The following DMD variants were observed in gnomAD, a reference collection of about 807,000 sequenced individuals.
DMD encodes the protein mutant dystrophin.
In DMD, 63 loss-of-function variants were observed where a neutral mutation model predicts 330.1. That is an observed-to-expected ratio of 0.19 (90% CI 0.16 to 0.24). DMD has a LOEUF of 0.24. Among genes scored for constraint, DMD ranks in the 10% least tolerant of loss-of-function variants. The probability of loss-of-function intolerance (pLI) is 1.00; values close to 1 mark genes in which losing one functional copy is unlikely to be tolerated. For missense variants in DMD, 3,344 were observed against 2,684.1 expected, an observed-to-expected ratio of 1.25 and a Z score of -5.43; for synonymous variants, 1,223 against 959.8, an observed-to-expected ratio of 1.27 and a Z score of -5.07.
intron 7 of DMD, among the ~76,000 whole-genome samples, chrX:32,807,656 C>T (rs1044787226): frequency 9.0e-6 from 1 of 111,087 alleles, no homozygotes; most frequent in African/African-American, 3.3e-5. Context: ...TTTCTGATTA[C>T]AGGCTCGTCA....
rs1233266849 is a variant in DMD at position 31,137,675 on chromosome X, C to T, written c.10922-3481G>A. 7.2e-5 allele frequency among the ~76,000 whole-genome samples: 8 copies of T among 110,365 alleles called. No homozygotes were observed. In the East Asian group the frequency reaches 2.3e-3, roughly 32 times the overall value. On this transcript the variant is annotated intron_variant, in intron 76 of 78. Coordinates refer to ENST00000357033, the MANE Select transcript of DMD (RefSeq NM_004006.3). ...AATAAGCAAACAAACCCCACCCACACACTCTCTCTGTGAAACTCGCATTCA... is the reference window on the plus strand; with the variant it reads ...AATAAGCAAACAAACCCCACCCACATACTCTCTCTGTGAAACTCGCATTCA...
chrX:32,003,761 T>C (rs2095642866), intron 44 of DMD, among the ~76,000 whole-genome samples: 1 of 111,099 alleles, frequency 9.0e-6, no homozygotes, highest in African/African-American at 3.3e-5. Context: ...GTTGATAAAA[T>C]TCCTTCTGCC....
In DMD at chrX:32,585,423, C is replaced by T. The variant is rs7883800; in HGVS notation, c.1602+10334G>A. 2.6e-3 allele frequency among the ~76,000 whole-genome samples: 285 copies of T among 110,971 alleles called. 1 individual carries two copies. Among genetic ancestry groups the T allele is most frequent in the African/African-American group, 8.9e-3 (273 of 30,691 alleles). On this transcript the variant is annotated intron_variant, in intron 13 of 78. Coordinates refer to ENST00000357033, the MANE Select transcript of DMD (RefSeq NM_004006.3). ...TAAAGAATATTATTGGCCGGGTGGCCGGGCGTGGTGGCTCACGCCTGTAAT... is the reference window on the plus strand; with the variant it reads ...TAAAGAATATTATTGGCCGGGTGGCTGGGCGTGGTGGCTCACGCCTGTAAT...
intron 5 of DMD, among the ~76,000 whole-genome samples, chrX:32,818,567 C>T (rs953991642): frequency 1.5e-4 from 17 of 111,614 alleles, no homozygotes; most frequent in African/African-American, 5.5e-4. Flanking sequence ...TGTGTGCGCG[C>T]ATACAACTAT....
chrX:31,341,302 A>G (rs753290282), intron 61 of DMD, among the ~76,000 whole-genome samples: 6 of 112,134 alleles, frequency 5.4e-5, no homozygotes, highest in African/African-American at 1.6e-4. Context: ...CATTGGTCGT[A>G]TGGTGCATTC....
At chrX:33,191,214 C>T (rs1165055527) in intron 1 of DMD, among the ~76,000 whole-genome samples, 1 of 104,091 alleles carries the variant, frequency 9.6e-6, no homozygotes, top group East Asian at 3.1e-4. Context: ...TAACTGCAAC[C>T]CTCTTACACC....
chrX:32,616,098 G>A (rs1371619248), intron 11 of DMD, among the ~76,000 whole-genome samples: 1 of 110,487 alleles, frequency 9.1e-6, no homozygotes, highest in African/African-American at 3.3e-5. Context: ...TTAAACTGGG[G>A]TTTTTGAAAG....
intron 4 of DMD, among the ~76,000 whole-genome samples, chrX:32,838,319 C>A (rs925023735): frequency 1.8e-5 from 2 of 110,714 alleles, no homozygotes; most frequent in African/African-American, 6.6e-5. Flanking sequence ...CATAGTTATA[C>A]ACCTGCGATA....
At chrX:32,267,436 T>C (rs2097349062) in intron 43 of DMD, among the ~76,000 whole-genome samples, 1 of 112,372 alleles carries the variant, frequency 8.9e-6, no homozygotes, top group Non-Finnish European at 1.9e-5. Flanking sequence ...TGAAAACTAA[T>C]TTATTCTTGC....
chrX:31,171,923 A>T (rs1252800789), intron 73 of DMD, among the ~76,000 whole-genome samples: 3 of 111,763 alleles, frequency 2.7e-5, no homozygotes, highest in African/African-American at 3.2e-5. Flanking sequence ...CTAACCTACC[A>T]TATGTGAATA....
intron 78 of DMD, among the ~76,000 whole-genome samples, chrX:31,123,379 A>T (rs748113957): frequency 7.9e-4 from 89 of 112,422 alleles, no homozygotes; most frequent in Non-Finnish European, 1.3e-3. Context: ...AAGTATAAAA[A>T]TTTTTTAACA....
intron 7 of DMD, among the ~76,000 whole-genome samples, chrX:32,797,874 G>T (rs1181192906): frequency 9.0e-6 from 1 of 111,145 alleles, no homozygotes; most frequent in Admixed American, 9.6e-5. Flanking sequence ...AGTTATCTAG[G>T]TAAGAATTAT....
chrX:31,146,603 A>G lies in DMD; in HGVS notation c.10798-189T>C, dbSNP rs59126704. ...CCATAGAAACTGTCTTTGTATCTGA[A>G]TTGTGCTCCCTTATAAATTTGAGAA... On this transcript the variant is annotated intron_variant, in intron 75 of 78. Transcript: ENST00000357033. Among the ~76,000 whole-genome samples the G allele has an allele frequency of 0.074, 8,286 of 111,557 alleles. 664 individuals carry two copies. Among genetic ancestry groups the G allele is most frequent in the African/African-American group, 0.24 (7,268 of 30,517 alleles).
At chrX:31,242,635 G>C (rs1220797839) in intron 63 of DMD, among the ~76,000 whole-genome samples, 1 of 110,077 alleles carries the variant, frequency 9.1e-6, no homozygotes, top group Non-Finnish European at 1.9e-5. Flanking sequence ...TTGTGAAGCT[G>C]ACATAGGCTT....
intron 49 of DMD, among the ~76,000 whole-genome samples, chrX:31,822,653 GGTGTGTGTGTGTGTGTGTGTGT>G (rs1556919105): frequency 1.5e-5 from 1 of 65,808 alleles, no homozygotes; most frequent in Non-Finnish European, 2.6e-5. Flanking sequence ...AAGGCAGAGG[GGTGTGTGTGTGTGTGTGTGTGT>G]GTGTGTGTGT....
intron 50 of DMD, among the ~76,000 whole-genome samples, chrX:31,801,016 C>A (rs948741908): frequency 1.8e-5 from 2 of 111,778 alleles, no homozygotes; most frequent in Admixed American, 1.9e-4. Context: ...GCCTCTTACC[C>A]AGTTCCAAGT....
intron 54 of DMD, among the ~76,000 whole-genome samples, chrX:31,634,058 A>C (rs2079273193): frequency 8.9e-6 from 1 of 112,397 alleles, no homozygotes; most frequent in South Asian, 3.6e-4. Context: ...TATGTCACTG[A>C]ATCCTGGTCT....
chrX:31,761,691 TTC>T (rs1244954388), intron 51 of DMD, among the ~76,000 whole-genome samples: 1 of 112,341 alleles, frequency 8.9e-6, no homozygotes, highest in Non-Finnish European at 1.9e-5. Flanking sequence ...AGTTACTGCT[TTC>T]TCTTTCTCCA....
intron 52 of DMD, among the ~76,000 whole-genome samples, chrX:31,693,242 T>C (rs1466044328): frequency 2.7e-5 from 3 of 111,422 alleles, no homozygotes; most frequent in Non-Finnish European, 5.7e-5. Context: ...TGAGAAAAAC[T>C]CTTAGCAAAT....
Sources: gnomAD v4.1 joint callset for allele counts (sites outside exome capture counted in the v4.1 genomes callset) on GRCh38, gnomAD v4.1.1 for gene constraint, MANE v1.5 for transcripts, NCBI Gene and HGNC (gene_info 2026-07-23, HGNC 2026-07-21) for gene names.